The following BPNT1 variants were observed in gnomAD, a reference collection of about 807,000 sequenced individuals.
BPNT1 encodes the protein 3'(2'),5'-bisphosphate nucleotidase 1.
Under a neutral mutation model 36.9 loss-of-function variants are expected in BPNT1, and 28 were observed. That is an observed-to-expected ratio of 0.76 (90% confidence interval 0.56 to 1.04). The LOEUF (loss-of-function observed/expected upper bound fraction) is 1.04, where lower values mean the gene tolerates loss of function less well. Ranked by LOEUF, BPNT1 falls within the 50% of genes least tolerant of loss-of-function variation. The pLI, the probability that BPNT1 is intolerant of heterozygous loss-of-function variation, is 0.00. For synonymous variants in BPNT1, 119 were observed against 130.9 expected, an observed-to-expected ratio of 0.91 and a Z score of 0.62; for missense variants, 313 against 372.9, an observed-to-expected ratio of 0.84 and a Z score of 1.32.
At chr1:220,065,325 AG>A (rs1663443610) in intron 6 of BPNT1, among the ~76,000 whole-genome samples, 1 of 152,114 alleles carries the variant, frequency 6.6e-6, no homozygotes, top group African/African-American at 2.4e-5. Context: ...CCTGACTCTC[AG>A]GCTCTGGCAT....
At chr1:220,086,596 G>C (rs1269006563) in intron 1 of BPNT1, among the ~76,000 whole-genome samples, 1 of 150,708 alleles carries the variant, frequency 6.6e-6, no homozygotes, top group African/African-American at 2.4e-5. Context: ...GTTTTTCTGA[G>C]ACAGAGTCTC....
At chr1:220,084,270 T>G (rs1219433175) in intron 1 of BPNT1, among the ~76,000 whole-genome samples, 1 of 151,280 alleles carries the variant, frequency 6.6e-6, no homozygotes, top group Non-Finnish European at 1.5e-5. Flanking sequence ...AGGTGGAGGT[T>G]GCAGTGAGCT....
chr1:220,085,922 A>G lies in BPNT1; in HGVS notation c.-9+3764T>C, dbSNP rs575336651. The stretch of plus-strand genomic sequence containing the variant: ...TTCTTCTCATATAACGATTGTGACC[A>G]TATGAGGATTAGGATCTAAAAATGA... On this transcript the variant is annotated intron_variant, in intron 1 of 8. Coordinates refer to ENST00000322067, the MANE Select transcript of BPNT1 (RefSeq NM_006085.6). Among the ~76,000 whole-genome samples the G allele has an allele frequency of 1.6e-3, 242 of 152,374 alleles. 2 individuals carry two copies. Among genetic ancestry groups the G allele is most frequent in the African/African-American group, 5.7e-3 (235 of 41,592 alleles).
At chr1:220,088,959 G>C (rs1226724111) in intron 1 of BPNT1, among the ~76,000 whole-genome samples, 6 of 151,374 alleles carry the variant, frequency 4.0e-5, no homozygotes, top group Admixed American at 3.9e-4. Flanking sequence ...AAATTAGCCA[G>C]GCTTGGTGGT....
chr1:220,085,172 T>C (rs1456240466), intron 1 of BPNT1, among the ~76,000 whole-genome samples: 1 of 152,144 alleles, frequency 6.6e-6, no homozygotes, highest in African/African-American at 2.4e-5. Context: ...CCTCCTATAC[T>C]ACAGTGAGAT....
chr1:220,062,562 G>A (rs1663149175), intron 7 of BPNT1, among the ~76,000 whole-genome samples, 195 bp downstream of exon 7: 1 of 151,886 alleles, frequency 6.6e-6, no homozygotes, highest in East Asian at 1.9e-4. Flanking sequence ...ATTTGGGTTG[G>A]TTCCAAGTCT....
intron 3 of BPNT1, 23 bp from the exon 4 acceptor site, chr1:220,072,980 G>A (rs1217908246): frequency 1.9e-6 from 3 of 1,569,720 alleles, no homozygotes; most frequent in Non-Finnish European, 2.6e-6. Flanking sequence ...TAACCCTAAT[G>A]GTTACTGAAG....
At chr1:220,087,777 G>C (rs552384223) in intron 1 of BPNT1, among the ~76,000 whole-genome samples, 1 of 151,958 alleles carries the variant, frequency 6.6e-6, no homozygotes, top group African/African-American at 2.4e-5. Flanking sequence ...AAAGAGAAAA[G>C]CACTGGCCAT....
chr1:220,082,206 A>G, intron 1 of BPNT1, among the ~76,000 whole-genome samples: 1 of 149,674 alleles, frequency 6.7e-6, no homozygotes. Context: ...TTTGAGACAG[A>G]GTCTTGCTCT....
Position 220,072,935 on chromosome 1 carries a change from TC to T in BPNT1, c.247del (p.Asp83IlefsTer4). Reference sequence around the variant, plus strand: ...CTGACTGTCTTCAATCAGCTCTTGATCCACTTCCTCAGAAGGCAGATCCTAA... The same window carrying T: ...CTGACTGTCTTCAATCAGCTCTTGATCACTTCCTCAGAAGGCAGATCCTAA... The part of the protein sequence containing the change: ...GEEDLPSEEV[D>X]QELIEDSQWE... On this transcript the variant is annotated frameshift_variant, in exon 4 of 9. Coordinates refer to ENST00000322067, the MANE Select transcript of BPNT1 (RefSeq NM_006085.6). LOFTEE classifies it high-confidence loss of function. 6.2e-7 allele frequency: 1 copy of T among 1,614,100 alleles called. No individual in the cohort carries two copies. The highest frequency in any genetic ancestry group is 8.5e-7 in the Non-Finnish European group (1 of 1,179,980).
At chr1:220,072,535 G>A (rs958174241) in intron 4 of BPNT1, among the ~76,000 whole-genome samples, 2 of 152,018 alleles carry the variant, frequency 1.3e-5, no homozygotes, top group Non-Finnish European at 2.9e-5. Context: ...GTCTGGTCTC[G>A]AACTCCTAGA....
rs751571913 is a variant in BPNT1 at position 220,058,387 on chromosome 1, A to G, written c.*457T>C. On this transcript the variant is annotated 3_prime_UTR_variant, in exon 9 of 9. Coordinates refer to ENST00000322067, the MANE Select transcript of BPNT1 (RefSeq NM_006085.6). ...ATTTAATTCTATTTTCTATTCCTAAATATAATAACTAAATATAAATCACTG... is the reference window on the plus strand; with the variant it reads ...ATTTAATTCTATTTTCTATTCCTAAGTATAATAACTAAATATAAATCACTG... The G allele has an allele frequency of 7.3e-5, 71 of 966,140 alleles. No homozygotes were observed. The highest frequency in any genetic ancestry group is 8.4e-5 in the Non-Finnish European group (68 of 813,396). The allele number at this position is 966,140 out of a possible 1,614,324, so 59.8% of individuals were successfully genotyped here. A position where few individuals can be genotyped will look rare whatever the true frequency, so the allele number is the denominator to read the frequency against.
At chr1:220,065,973 A>G (rs748616784) in intron 6 of BPNT1, 2 of 705,556 alleles carry the variant, frequency 2.8e-6, no homozygotes, top group South Asian at 2.9e-5. Flanking sequence ...GGAGAAAATG[A>G]ACTGGTATGT....
chr1:220,072,249 G>A (rs1664130402), intron 4 of BPNT1, among the ~76,000 whole-genome samples: 1 of 151,770 alleles, frequency 6.6e-6, no homozygotes, highest in Non-Finnish European at 1.5e-5. Flanking sequence ...TGTAGTCCTA[G>A]CTACTTGGGA....
rs1664278095 is a variant in BPNT1 at position 220,073,615 on chromosome 1, T to TGC, written c.225+351_225+352insGC. On this transcript the variant is annotated intron_variant, in intron 3 of 8. Coordinates refer to ENST00000322067, the MANE Select transcript of BPNT1 (RefSeq NM_006085.6). Reference sequence around the variant, plus strand: ...CCTAATTCCCTCATTTTCAAAGTGTTATAGTCTTTGGATAAGTATGCAAAT... The same window carrying TGC: ...CCTAATTCCCTCATTTTCAAAGTGTTGCATAGTCTTTGGATAAGTATGCAAAT... Among the ~76,000 whole-genome samples the TGC allele has an allele frequency of 2.0e-5, 3 of 152,294 alleles. 1 individual carries two copies. The South Asian group carries it at 6.2e-4, about 32-fold the overall frequency.
Position 220,062,899 on chromosome 1 carries a change from G to T in BPNT1, c.530C>A (p.Ala177Asp). The T allele has an allele frequency of 1.2e-6, 2 of 1,614,080 alleles. No homozygotes were observed. The highest frequency in any genetic ancestry group is 1.7e-6 in the Non-Finnish European group (2 of 1,180,006). ...RTIWGVLGLG[A>D]FGFQLKEVPA... ...GACTTCTTTCAGCTGAAACCCAAAG[G>T]CGCCTAAACCTAAAACTCCCCAGAT... Residue 177 changes from alanine to aspartate, a missense_variant, in exon 7 of 9, where the codon GCC becomes GAC. Transcript: ENST00000322067.
At chr1:220,088,574 G>C (rs1381043524) in intron 1 of BPNT1, among the ~76,000 whole-genome samples, 1 of 151,248 alleles carries the variant, frequency 6.6e-6, no homozygotes, top group African/African-American at 2.4e-5. Context: ...TGTATTGCTT[G>C]AGCTCAGGAG....
chr1:220,084,216 C>T (rs1047912196), intron 1 of BPNT1, among the ~76,000 whole-genome samples: 1 of 151,830 alleles, frequency 6.6e-6, no homozygotes, highest in African/African-American at 2.4e-5. Flanking sequence ...CCTGTAGTCC[C>T]AGCTACTCGG....
chr1:220,089,122 AAAAGAAGGAGGAGG>A (rs1656059714), intron 1 of BPNT1, among the ~76,000 whole-genome samples: 1 of 148,088 alleles, frequency 6.8e-6, no homozygotes, highest in African/African-American at 2.4e-5. Flanking sequence ...AAAAAAAAAA[AAAAGAAGGAGGAGG>A]AAGGAGGAGG....
Sources: gnomAD v4.1 joint callset for allele counts (sites outside exome capture counted in the v4.1 genomes callset) on GRCh38, gnomAD v4.1.1 for gene constraint, MANE v1.5 for transcripts, NCBI Gene and HGNC (gene_info 2026-07-23, HGNC 2026-07-21) for gene names.